Variants in CRHBP observed in about 807,000 individuals in gnomAD.
CRHBP encodes the protein corticotropin-releasing hormone-binding protein.
In CRHBP, 19 loss-of-function variants were observed where a neutral mutation model predicts 34.9. The observed-to-expected ratio is 0.55, with a 90% CI of 0.38 to 0.80. The LOEUF is 0.80. Ranked by LOEUF, CRHBP falls within the 30% of genes least tolerant of loss-of-function variation. The pLI is 0.00. For synonymous variants in CRHBP, 154 were observed against 153.4 expected, an observed-to-expected ratio of 1.00 and a Z score of -0.03; for missense variants, 328 against 409.2, an observed-to-expected ratio of 0.80 and a Z score of 1.71.
chr5:76,961,885 C>G (rs976685099), intron 5 of CRHBP, among the ~76,000 whole-genome samples: 2 of 152,172 alleles, frequency 1.3e-5, no homozygotes, highest in Non-Finnish European at 2.9e-5. Context: ...TCCCGAGTAG[C>G]TGGGACTACA....
In CRHBP at chr5:76,968,769, G is replaced by A. The variant is rs368440034; in HGVS notation, c.853G>A (p.Val285Ile). The A allele has an allele frequency of 3.5e-5, 57 of 1,613,966 alleles. No individual in the cohort carries two copies. In the African/African-American group the frequency reaches 6.9e-4, roughly 20 times the overall value. The change falls in exon 7 of 7, where the codon GTC becomes ATC. Residue 285 changes from valine to isoleucine, a missense_variant. This residue lies in a region of CRHBP where 144 missense variants were observed against 216.7 expected (regional missense o/e 0.66). Coordinates refer to ENST00000274368, the MANE Select transcript of CRHBP (RefSeq NM_001882.4). ...CTGTGACAACACTGTGGTGCGCATGGTCTCCAGTGGAAAACACGTAAATCG... is the reference window on the plus strand; with the variant it reads ...CTGTGACAACACTGTGGTGCGCATGATCTCCAGTGGAAAACACGTAAATCG... ...VGCDNTVVRM[V>I]SSGKHVNRVT... is the part of the protein sequence containing the mutation.
intron 1 of CRHBP, 61 bp from the exon 2 acceptor site, chr5:76,953,540 T>C: frequency 1.3e-6 from 2 of 1,507,016 alleles, no homozygotes; most frequent in African/African-American, 1.4e-5. Context: ...GCCCCGCTCC[T>C]GGTCCCCTTT....
chr5:76,958,121 T>TTG (rs763456100), intron 4 of CRHBP, among the ~76,000 whole-genome samples: 6 of 151,362 alleles, frequency 4.0e-5, no homozygotes, highest in Non-Finnish European at 8.8e-5. Flanking sequence ...ATGGTGCCAC[T>TTG]GCATTCTAGC....
At chr5:76,962,610 C>T (rs1419245686) in intron 5 of CRHBP, among the ~76,000 whole-genome samples, 1 of 146,764 alleles carries the variant, frequency 6.8e-6, no homozygotes, top group East Asian at 2.0e-4. Flanking sequence ...AAGGACCCAT[C>T]TCTACAAAAT....
At chr5:76,980,615 T>C (rs1746104955) in intron 3 of CRHBP, among the ~76,000 whole-genome samples, 2 of 152,248 alleles carry the variant, frequency 1.3e-5, no homozygotes, top group South Asian at 4.1e-4. Flanking sequence ...CAAACTCATC[T>C]GGATGTTGCT....
Position 76,953,173 on chromosome 5 carries a change from C to T in CRHBP, c.39C>T (p.Leu13=), listed in dbSNP as rs771621580. 4.3e-6 allele frequency: 7 copies of T among 1,614,112 alleles called. No homozygotes were observed. Among genetic ancestry groups the T allele is most frequent in the Admixed American group, 3.3e-5 (2 of 60,006 alleles). ...TCAAACTTCAGTGTCACTTCATTCT[C>T]ATCTTCCTGACGGCTCTAAGAGGGG... ...PNFKLQCHFI[L]IFLTALRGES... The change falls in exon 1 of 7, where the codon CTC becomes CTT. Residue 13 remains leucine, a synonymous_variant. Transcript: ENST00000274368.
chr5:76,958,855 T>C lies in CRHBP; in HGVS notation c.659T>C (p.Leu220Pro). ...CCTGTGGTGATCAAAATATCTGATC[T>C]TACCCTGGGACACGTAAATGGTCTT... is the stretch of plus-strand genomic sequence containing the variant. ...IYPVVIKISD[L>P]TLGHVNGLQL... Residue 220 changes from leucine to proline, a missense_variant, in exon 5 of 7, where the codon CTT becomes CCT. This residue lies in a region of CRHBP where 144 missense variants were observed against 216.7 expected (regional missense o/e 0.66). Coordinates refer to ENST00000274368, the MANE Select transcript of CRHBP (RefSeq NM_001882.4). The C allele has an allele frequency of 6.2e-7, 1 of 1,614,082 alleles. No individual in the cohort carries two copies. The highest frequency in any genetic ancestry group is 1.6e-4 in the Middle Eastern group (1 of 6,062).
At chr5:76,960,326 T>C (rs1561265767) in intron 5 of CRHBP, among the ~76,000 whole-genome samples, 2 of 152,174 alleles carry the variant, frequency 1.3e-5, no homozygotes, top group East Asian at 3.9e-4. Context: ...GAGGCAGGAA[T>C]GGGCTTGCTG....
At chr5:76,973,170 A>G (rs1197985728), downstream of CRHBP, among the ~76,000 whole-genome samples, 2 of 152,214 alleles carry the variant, frequency 1.3e-5, no homozygotes, top group Non-Finnish European at 2.9e-5. Flanking sequence ...CACTATTATC[A>G]TACTTCATAC....
intron 4 of CRHBP, among the ~76,000 whole-genome samples, chr5:76,957,954 G>T (rs953456282): frequency 3.5e-4 from 53 of 151,964 alleles, no homozygotes; most frequent in African/African-American, 1.3e-3. Flanking sequence ...AGGTCAGGAG[G>T]TCGAGACCAG....
chr5:76,969,934 C>CTTTTT (rs201228247), downstream of CRHBP, among the ~76,000 whole-genome samples: 79 of 61,628 alleles, frequency 1.3e-3, 5 homozygotes, highest in Non-Finnish European at 1.4e-3. Flanking sequence ...AAAGAAAATT[C>CTTTTT]TTTTTTTTTT....
chr5:76,980,844 C>T (rs954645756), intron 3 of CRHBP: 3 of 152,070 alleles, frequency 2.0e-5, no homozygotes, highest in Non-Finnish European at 4.4e-5. Flanking sequence ...GGAAGGGCTC[C>T]GAAAAATTTT....
chr5:76,956,462 G>A (rs539619312), intron 4 of CRHBP, among the ~76,000 whole-genome samples: 4 of 152,140 alleles, frequency 2.6e-5, no homozygotes, highest in African/African-American at 7.2e-5. Context: ...TATTTACTCC[G>A]CGGTGGCTCA....
At position 76,968,914 on chromosome 5, in the gene CRHBP, T is replaced by C; in HGVS notation, c.*29T>C. 3 of 1,601,334 alleles carry C rather than the reference T, an allele frequency of 1.9e-6. No homozygotes were observed. Among genetic ancestry groups the C allele is most frequent in the East Asian group, 2.2e-5 (1 of 44,642 alleles). On this transcript the variant is annotated 3_prime_UTR_variant, in exon 7 of 7. Coordinates refer to ENST00000274368, the MANE Select transcript of CRHBP (RefSeq NM_001882.4). ...ACCAACCCAGTGATTTACATGCTGA[T>C]AGCTAAGTGAGTTTTTAATGGCCAT... is the stretch of plus-strand genomic sequence containing the variant.
At position 76,958,727 on chromosome 5, in the gene CRHBP, T is replaced by C. The variant is rs770775409; in HGVS notation, c.545-14T>C. 42 of 1,596,166 alleles carry C rather than the reference T, an allele frequency of 2.6e-5. No homozygotes were observed. The highest frequency in any genetic ancestry group is 3.5e-5 in the Non-Finnish European group (41 of 1,175,200). On this transcript the variant is annotated splice_polypyrimidine_tract_variant and intron_variant, in intron 4 of 6. Coordinates refer to ENST00000274368, the MANE Select transcript of CRHBP (RefSeq NM_001882.4). ...AGTAAAGGAAACGTGAATTTCTTTT[T>C]CTTTTCTACAAAGCTTGCAATGTCA...
intron 4 of CRHBP, 78 bp from the exon 5 acceptor site, chr5:76,958,663 A>G: frequency 6.7e-7 from 1 of 1,487,946 alleles, no homozygotes; most frequent in Middle Eastern, 2.4e-4. Context: ...GAGCCCTAGA[A>G]TAAGATACAA....
rs200414648 is a variant in CRHBP, at chr5:76,958,751, C to T, written c.555C>T (p.Val185=). The stretch of plus-strand genomic sequence containing the variant: ...TTCTTTTCTACAAAGCTTGCAATGT[C>T]ATTTCTCAGACTCCAAATGGAAAGT... ...KTDPNLFPCN[V]ISQTPNGKFT... is the part of the protein sequence containing the mutation. The change falls in exon 5 of 7, where the codon GTC becomes GTT. Residue 185 remains valine (V), a synonymous_variant. Transcript: ENST00000274368. 3 of 1,606,420 alleles carry T rather than the reference C, an allele frequency of 1.9e-6. No individual in the cohort carries two copies. The South Asian group carries it at 3.4e-5, about 18-fold the overall frequency.
At chr5:76,953,242 T>G (rs765550808) in intron 1 of CRHBP, 27 bp downstream of exon 1, 1 of 1,605,446 alleles carries the variant, frequency 6.2e-7, no homozygotes, top group Non-Finnish European at 8.5e-7. Context: ...CTGACCCATC[T>G]CACCTTCCTT....
chr5:76,969,934 CTTTTTTTTTTTTTTTTTT>C (rs201228247), downstream of CRHBP, among the ~76,000 whole-genome samples: 8 of 61,628 alleles, frequency 1.3e-4, no homozygotes, highest in Admixed American at 2.5e-4. Context: ...AAAGAAAATT[CTTTTTTTTTTTTTTTTTT>C]TTTTTTTTTT....
Sources: gnomAD v4.1 joint callset for allele counts (sites outside exome capture counted in the v4.1 genomes callset) on GRCh38, gnomAD v4.1.1 for gene constraint, gnomAD v4.1.1 regional missense constraint, MANE v1.5 for transcripts, NCBI Gene and HGNC (gene_info 2026-07-23, HGNC 2026-07-21) for gene names.